Variants in SPEG observed in about 807,000 individuals in gnomAD.
SPEG encodes striated muscle preferentially expressed protein kinase.
SPEG carries 114 observed loss-of-function variants against 300.4 expected under a neutral mutation model. The observed-to-expected ratio is 0.38, with a 90% CI of 0.33 to 0.44. The LOEUF (loss-of-function observed/expected upper bound fraction) is 0.44, where lower values mean the gene tolerates loss of function less well. Among genes scored for constraint, SPEG ranks in the 20% least tolerant of loss-of-function variants. The pLI is 1.00. For missense variants in SPEG, 4,201 were observed against 4,586.2 expected, an observed-to-expected ratio of 0.92 and a Z score of 2.43; for synonymous variants, 1,964 against 2,018.9, an observed-to-expected ratio of 0.97 and a Z score of 0.73.
Position 219,434,859 on chromosome 2 carries a change from GGGCGGGCAGCA to G in SPEG, c.-116_-106del. 1 of 645,654 alleles carries G rather than the reference GGGCGGGCAGCA, an allele frequency of 1.5e-6. No individual in the cohort carries two copies. The highest frequency in any genetic ancestry group is 2.2e-5 in the South Asian group (1 of 44,640). 40.0% of individuals were successfully genotyped at this position (645,654 alleles called of 1,614,324 possible). A position where few individuals can be genotyped will look rare whatever the true frequency, so the allele number is the denominator to read the frequency against. ...CTTCTGGGTAGCACAGGCCGAAGGC[GGGCGGGCAGCA>G]GGAAGGCAGGCCGCCGGCCCCCCAG... On this transcript the variant is annotated 5_prime_UTR_variant, in exon 1 of 41. Transcript: ENST00000312358.
chr2:219,481,372 A>T lies in SPEG; in HGVS notation c.5438A>T (p.Asn1813Ile). The T allele has an allele frequency of 6.2e-7, 1 of 1,614,088 alleles. No individual in the cohort carries two copies. Among genetic ancestry groups the T allele is most frequent in the Non-Finnish European group, 8.5e-7 (1 of 1,180,016 alleles). The change falls in exon 27 of 41, where the codon AAC becomes ATC. Residue 1813 changes from asparagine (N) to isoleucine (I), a missense_variant. By Grantham distance (149) the Asn-to-Ile change is moderately radical. Coordinates refer to ENST00000312358, the MANE Select transcript of SPEG (RefSeq NM_005876.5). The surrounding 1 kb of genome is among the most constrained non-coding windows in gnomAD (Gnocchi z 5.4). ...RTTLMNIRNYNVAFEETTFLS... is the reference protein window; with the variant it reads ...RTTLMNIRNYIVAFEETTFLS... ...ACATTGATGAACATCCGAAACTACA[A>T]CGTGGCCTTCGAGGAGACCACATTC...
chr2:219,466,958 A>T, intron 9 of SPEG: 1 of 1,059,114 alleles, frequency 9.4e-7, no homozygotes, highest in Non-Finnish European at 1.2e-6. Context: ...GCCTCCATGA[A>T]TCACCCTCCC....
chr2:219,448,445 C>T lies in SPEG; in HGVS notation c.1287C>T (p.Pro429=). Residue 429 remains proline (P), a synonymous_variant, in exon 4 of 41, where the codon CCC becomes CCT. Transcript: ENST00000312358. ...SPPAPLRPWV[P]LRKARSLEQP... is the part of the protein sequence containing the mutation. Reference sequence around the variant, plus strand: ...CGGCGCCCCTGCGGCCCTGGGTGCCCCTGCGCAAGGCCCGCTCTCTGGAGC... The same window carrying T: ...CGGCGCCCCTGCGGCCCTGGGTGCCTCTGCGCAAGGCCCGCTCTCTGGAGC... 1 of 1,509,904 alleles carries T rather than the reference C, an allele frequency of 6.6e-7. No individual in the cohort carries two copies. The highest frequency in any genetic ancestry group is 8.8e-7 in the Non-Finnish European group (1 of 1,137,790). The allele number at this position is 1,509,904 out of a possible 1,614,324, so 93.5% of individuals were successfully genotyped here.
rs2125491633 is a variant in SPEG, at chr2:219,472,895, G to T, written c.3946G>T (p.Asp1316Tyr). 6.3e-7 allele frequency: 1 copy of T among 1,581,064 alleles called. No homozygotes were observed. Among genetic ancestry groups the T allele is most frequent in the South Asian group, 1.1e-5 (1 of 87,708 alleles). The change falls in exon 16 of 41, where the codon GAC (aspartate) becomes TAC (tyrosine). Residue 1316 changes from aspartate (D) to tyrosine (Y), a missense_variant. By Grantham distance (160) the Asp-to-Tyr change is radical. Around this residue, in one of 4 missense-constraint regions of SPEG, gnomAD observed 1,047 missense variants for 1,356.8 expected, o/e 0.77. Coordinates refer to ENST00000312358, the MANE Select transcript of SPEG (RefSeq NM_005876.5). ...PRSLDMAIDP[D>Y]SLTYTVQHQV... ...AGTAGCTCCTCTCCCGCCAGACCCG[G>T]ACTCCCTGACGTACACAGTGCAGCA...
At chr2:219,449,319 G>A (rs1215014917) in intron 4 of SPEG, 48 bp downstream of exon 4, 3 of 1,333,862 alleles carry the variant, frequency 2.2e-6, no homozygotes, top group Non-Finnish European at 2.9e-6. Flanking sequence ...CCCGTCGGGG[G>A]GCGTTTGTGG....
chr2:219,486,051 T>C (rs1361786878), intron 31 of SPEG, among the ~76,000 whole-genome samples: 1 of 152,222 alleles, frequency 6.6e-6, no homozygotes, highest in Non-Finnish European at 1.5e-5. Flanking sequence ...ACGACCTGGA[T>C]TGTGCCCCCT....
chr2:219,463,600 G>A (rs185648013), intron 8 of SPEG, among the ~76,000 whole-genome samples: 1 of 150,808 alleles, frequency 6.6e-6, no homozygotes, highest in Non-Finnish European at 1.5e-5. Context: ...TTTTGTAGAG[G>A]CAGGGTTTCT....
In SPEG at chr2:219,451,204, C is replaced by T. The variant is rs1689717766; in HGVS notation, c.2182C>T (p.Leu728=). Residue 728 remains leucine, a synonymous_variant, in exon 5 of 41, where the codon CTG becomes TTG. Transcript: ENST00000312358. The surrounding 1 kb of genome is among the most constrained non-coding windows in gnomAD (Gnocchi z 6.4). ...AGAGGCCCCTGTGTTTGAGATCCCCCTGCAGAATGTGGTGGTGGCACCAGG... is the reference window on the plus strand; with the variant it reads ...AGAGGCCCCTGTGTTTGAGATCCCCTTGCAGAATGTGGTGGTGGCACCAGG... ...PLEAPVFEIP[L]QNVVVAPGAD... is the part of the protein sequence containing the mutation. 1 of 1,613,856 alleles carries T rather than the reference C, an allele frequency of 6.2e-7. No individual in the cohort carries two copies. The highest frequency in any genetic ancestry group is 1.3e-5 in the African/African-American group (1 of 74,898).
intron 1 of SPEG, chr2:219,442,051 A>C: frequency 6.1e-6 from 7 of 1,148,532 alleles, no homozygotes; most frequent in East Asian, 4.3e-5. Context: ...CTCCCCCGCC[A>C]TGAAGAAGCT....
Position 219,461,901 on chromosome 2 carries a change from C to T in SPEG, c.2460C>T (p.Phe820=), listed in dbSNP as rs1128571. The T allele has an allele frequency of 2.5e-6, 4 of 1,613,982 alleles. No individual in the cohort carries two copies. The South Asian group carries it at 4.4e-5, about 18-fold the overall frequency. Residue 820 remains phenylalanine (F), a synonymous_variant, in exon 7 of 41, where the codon TTC becomes TTT. Transcript: ENST00000312358. ...CTCCAGGTGGGTCTACATCCCCTTTCAGCAGCCCCATCACCTCCGACGAGG... is the reference window on the plus strand; with the variant it reads ...CTCCAGGTGGGTCTACATCCCCTTTTAGCAGCCCCATCACCTCCGACGAGG... ...TVRPGGSTSP[F]SSPITSDEEY...
At chr2:219,467,567 T>A (rs1691488257) in intron 10 of SPEG, 133 bp downstream of exon 10, 2 of 1,033,384 alleles carry the variant, frequency 1.9e-6, no homozygotes, top group Non-Finnish European at 1.4e-6. Context: ...TGGGAGCTAG[T>A]ACATTGCCTT....
At position 219,483,405 on chromosome 2, in the gene SPEG, C is replaced by T. The variant is rs750169094; in HGVS notation, c.5942C>T (p.Ser1981Phe). Residue 1981 changes from serine to phenylalanine, a missense_variant, in exon 30 of 41, where the codon TCT becomes TTT. Around this residue, in one of 4 missense-constraint regions of SPEG, gnomAD observed 1,578 missense variants for 1,506.0 expected, o/e 1.05. Coordinates refer to ENST00000312358, the MANE Select transcript of SPEG (RefSeq NM_005876.5). Reference protein sequence around the residue: ...MDWQEQGRAPSQDQEAPSPEA... With the variant: ...MDWQEQGRAPFQDQEAPSPEA... The stretch of plus-strand genomic sequence containing the variant: ...TGGCAGGAGCAGGGAAGGGCTCCCT[C>T]TCAGGACCAGGAGGCTCCCAGCCCA... 3.1e-6 allele frequency: 5 copies of T among 1,590,046 alleles called. No individual in the cohort carries two copies. The South Asian group carries it at 4.5e-5, about 14-fold the overall frequency.
chr2:219,479,786 C>G lies in SPEG; in HGVS notation c.5089C>G (p.Arg1697Gly). ...RKPTVCESEI[R>G]AYMRQVLEGI... ...TCTGGGCCCACTATTTCCACAGATC[C>G]GGGCCTATATGCGGCAGGTGCTAGA... is the stretch of plus-strand genomic sequence containing the variant. The change falls in exon 24 of 41, where the codon CGG (arginine) becomes GGG (glycine). Residue 1697 changes from arginine (R) to glycine (G), a missense_variant. Physicochemically the swap from Arg to Gly is moderately radical, Grantham distance 125 (BLOSUM62 -2). Coordinates refer to ENST00000312358, the MANE Select transcript of SPEG (RefSeq NM_005876.5). This position sits in a 1 kb window ranked among gnomAD's most constrained non-coding sequence, Gnocchi z 5.5. 3.1e-6 allele frequency: 5 copies of G among 1,613,842 alleles called. No individual in the cohort carries two copies. Among genetic ancestry groups the G allele is most frequent in the East Asian group, 2.2e-5 (1 of 44,872 alleles).
At chr2:219,447,862 T>C in intron 3 of SPEG, 112 bp from the exon 4 acceptor site, 2 of 978,692 alleles carry the variant, frequency 2.0e-6, no homozygotes, top group Non-Finnish European at 3.0e-6. Context: ...ATCTGGCCCA[T>C]GTCACCCCCA....
chr2:219,484,894 G>T lies in SPEG; in HGVS notation c.7431G>T (p.Ser2477=). The part of the protein sequence containing the change: ...RLQRSGSSED[S]GGASGRSTPL... ...AGCGCAGTGGCAGCAGCGAGGACTC[G>T]GGGGGCGCGTCGGGCCGCAGCACGC... Residue 2477 remains serine (S), a synonymous_variant, in exon 30 of 41, where the codon TCG becomes TCT. Transcript: ENST00000312358. The T allele has an allele frequency of 1.3e-6, 2 of 1,525,494 alleles. No homozygotes were observed. The highest frequency in any genetic ancestry group is 1.2e-5 in the South Asian group (1 of 83,438). 94.5% of individuals were successfully genotyped at this position (1,525,494 alleles called of 1,614,324 possible).
chr2:219,471,796 G>C (rs1691897574), intron 13 of SPEG, 72 bp from the exon 14 acceptor site: 1 of 1,587,448 alleles, frequency 6.3e-7, no homozygotes, highest in South Asian at 1.1e-5. Context: ...GACCAGGCCC[G>C]GGATGGCATG....
Position 219,443,087 on chromosome 2 carries a change from A to G in SPEG, c.389-1566A>G, listed in dbSNP as rs1689044925. 1 of 1,610,698 alleles carries G rather than the reference A, an allele frequency of 6.2e-7. No individual in the cohort carries two copies. Among genetic ancestry groups the G allele is most frequent in the African/African-American group, 1.3e-5 (1 of 74,930 alleles). On this transcript the variant is annotated intron_variant, in intron 1 of 40. Transcript: ENST00000312358. This position sits in a 1 kb window ranked among gnomAD's most constrained non-coding sequence, Gnocchi z 4.6. ...GAACAAGCCTCCCCCTCAACTACTC[A>G]TTCTGGCTTTTCTCTTTCAGAAAAC... is the stretch of plus-strand genomic sequence containing the variant.
chr2:219,465,936 TGCAC>T (rs1165065683), intron 9 of SPEG: 47 of 243,930 alleles, frequency 1.9e-4, no homozygotes, highest in Non-Finnish European at 3.0e-4. Context: ...CGCGTGTGCG[TGCAC>T]GTGTGCGTGC....
rs1225118817 is a variant in SPEG at position 219,469,067 on chromosome 2, A to G, written c.3491+19A>G. Reference sequence around the variant, plus strand: ...GCCCCAGGTACCACCGGGGCCCCAAATGATGCTGGGGCTGCCTGTGAGGGG... The same window carrying G: ...GCCCCAGGTACCACCGGGGCCCCAAGTGATGCTGGGGCTGCCTGTGAGGGG... On this transcript the variant is annotated intron_variant, in intron 12 of 40. Coordinates refer to ENST00000312358, the MANE Select transcript of SPEG (RefSeq NM_005876.5). 2 of 1,608,874 alleles carry G rather than the reference A, an allele frequency of 1.2e-6. No individual in the cohort carries two copies. Among genetic ancestry groups the G allele is most frequent in the Non-Finnish European group, 8.5e-7 (1 of 1,176,944 alleles).
Sources: gnomAD v4.1 joint callset for allele counts (sites outside exome capture counted in the v4.1 genomes callset) on GRCh38, gnomAD v4.1.1 for gene constraint, gnomAD v4.1.1 regional missense constraint, Gnocchi (gnomAD v3.1) non-coding constraint, MANE v1.5 for transcripts, NCBI Gene and HGNC (gene_info 2026-07-23, HGNC 2026-07-21) for gene names.